The following NCOA2 variants were observed in gnomAD, a reference collection of about 807,000 sequenced individuals.
NCOA2 encodes the protein class E basic helix-loop-helix protein 75.
In NCOA2, 21 loss-of-function variants were observed where a neutral mutation model predicts 145.1. The ratio of observed to expected loss-of-function variants is 0.14; its 90% confidence interval spans 0.10 to 0.21. The LOEUF (loss-of-function observed/expected upper bound fraction) is 0.21. Among genes scored for constraint, NCOA2 ranks in the 10% least tolerant of loss-of-function variants. The pLI is 1.00. For synonymous variants in NCOA2, 619 were observed against 637.5 expected, an observed-to-expected ratio of 0.97 and a Z score of 0.44; for missense variants, 1,472 against 1,837.6, an observed-to-expected ratio of 0.80 and a Z score of 3.64.
chr8:70,408,371 GA>G (rs1216165134), upstream of NCOA2, among the ~76,000 whole-genome samples: 3 of 152,112 alleles, frequency 2.0e-5, no homozygotes, highest in East Asian at 5.8e-4. Flanking sequence ...GAAACAACTG[GA>G]AAATGAAAAT....
chr8:70,126,980 C>T lies in NCOA2; in HGVS notation c.3749G>A (p.Arg1250Lys). 6.2e-7 allele frequency: 1 copy of T among 1,613,786 alleles called. No individual in the cohort carries two copies. The highest frequency in any genetic ancestry group is 1.1e-5 in the South Asian group (1 of 90,998). ...AACTTGCTGTTGCTGATGCATTTGT[C>T]TCTGTCGAAGATGCTGGTTCAGGAT... The part of the protein sequence containing the change: ...REILNQHLRQ[R>K]QMHQQQQVQQ... Residue 1250 changes from arginine (R) to lysine (K), a missense_variant, in exon 19 of 23, where the codon AGA (arginine) becomes AAA (lysine). Around this residue, in one of 4 missense-constraint regions of NCOA2, gnomAD observed 232 missense variants for 290.6 expected, o/e 0.80. Transcript: ENST00000452400.
At chr8:70,126,013 C>T (rs1808373957) in intron 19 of NCOA2, among the ~76,000 whole-genome samples, 1 of 152,104 alleles carries the variant, frequency 6.6e-6, no homozygotes, top group Admixed American at 6.5e-5. Flanking sequence ...AGCTTAAGAT[C>T]ATATAGAAAA....
intron 3 of NCOA2, 94 bp downstream of exon 3, chr8:70,216,566 T>C: frequency 9.8e-7 from 1 of 1,023,592 alleles, no homozygotes; most frequent in South Asian, 1.3e-5. Flanking sequence ...ACTCAATATT[T>C]GAATCAGCAG....
chr8:70,311,495 C>G (rs557521677), intron 1 of NCOA2, among the ~76,000 whole-genome samples: 1 of 152,156 alleles, frequency 6.6e-6, no homozygotes, highest in East Asian at 1.9e-4. Context: ...ATTTTTTACC[C>G]AAAACACAGT....
chr8:70,320,810 CTG>C (rs1007122231), intron 1 of NCOA2, among the ~76,000 whole-genome samples: 4 of 152,118 alleles, frequency 2.6e-5, no homozygotes, highest in Admixed American at 6.5e-5. Context: ...TTTTAGGTAA[CTG>C]GTCTCGAAAA....
chr8:70,223,154 T>C (rs1294315398), intron 2 of NCOA2, among the ~76,000 whole-genome samples: 2 of 152,216 alleles, frequency 1.3e-5, no homozygotes, highest in Non-Finnish European at 2.9e-5. Flanking sequence ...AAAACCAGTT[T>C]TCACCAAAGG....
chr8:70,440,747 GAA>G, the NCOA2 span, among the ~76,000 whole-genome samples: 1 of 144,156 alleles, frequency 6.9e-6, no homozygotes, highest in East Asian at 2.0e-4. Flanking sequence ...AGAAAGAAAA[GAA>G]AGAGAGAAAG....
At chr8:70,225,344 T>C (rs1381044585) in intron 2 of NCOA2, among the ~76,000 whole-genome samples, 2 of 152,054 alleles carry the variant, frequency 1.3e-5, no homozygotes, top group East Asian at 3.9e-4. Context: ...AGTCAGACGT[T>C]CGAGACCAAC....
chr8:70,355,902 T>C (rs999680693), intron 1 of NCOA2, among the ~76,000 whole-genome samples: 4 of 152,204 alleles, frequency 2.6e-5, no homozygotes, highest in African/African-American at 9.6e-5. Context: ...ATACTTCTAC[T>C]TATATATTAC....
At chr8:70,443,238 G>T in the NCOA2 span, among the ~76,000 whole-genome samples, 1 of 134,312 alleles carries the variant, frequency 7.4e-6, no homozygotes, top group Non-Finnish European at 1.6e-5. Context: ...GGTGGGGGGC[G>T]CATGCCTGTG....
intron 19 of NCOA2, among the ~76,000 whole-genome samples, chr8:70,126,045 T>C (rs1808377581): frequency 6.6e-6 from 1 of 152,200 alleles, no homozygotes; most frequent in South Asian, 2.1e-4. Flanking sequence ...TATCTTTCTG[T>C]TCTTTAAAGA....
chr8:70,156,418 A>G lies in NCOA2; in HGVS notation c.1947T>C (p.Ser649=), dbSNP rs1812296696. ...CTAAGGGCGAGGGCTCCATCTGATC[A>G]GATTTGGTGGTCAGCAGCTGCAGGA... The part of the protein sequence containing the change: ...TKLLQLLTTK[S]DQMEPSPLAS... Residue 649 remains serine, a synonymous_variant, in exon 11 of 23, where the codon TCT becomes TCC. Transcript: ENST00000452400. 6.2e-7 allele frequency: 1 copy of G among 1,613,848 alleles called. No homozygotes were observed. Among genetic ancestry groups the G allele is most frequent in the South Asian group, 1.1e-5 (1 of 91,074 alleles).
At chr8:70,216,827 T>C (rs1004374701) in intron 2 of NCOA2, 63 bp from the exon 3 acceptor site, 11 of 1,034,350 alleles carry the variant, frequency 1.1e-5, no homozygotes, top group Non-Finnish European at 1.7e-5. Context: ...AAGTGTCTGA[T>C]CATTTTACCA....
intron 10 of NCOA2, 70 bp from the exon 11 acceptor site, chr8:70,157,310 A>T: frequency 7.3e-7 from 1 of 1,367,520 alleles, no homozygotes; most frequent in South Asian, 1.6e-5. Flanking sequence ...ATTAATTTTT[A>T]AAAATGATAT....
chr8:70,195,278 T>TCAA (rs1367408025), intron 4 of NCOA2, among the ~76,000 whole-genome samples: 2 of 152,194 alleles, frequency 1.3e-5, no homozygotes, highest in Non-Finnish European at 2.9e-5. Context: ...GAAGGGTGTC[T>TCAA]CTTTAAGAGT....
intron 1 of NCOA2, among the ~76,000 whole-genome samples, chr8:70,382,751 G>A (rs1340646039): frequency 1.3e-5 from 2 of 152,158 alleles, no homozygotes; most frequent in East Asian, 1.9e-4. Flanking sequence ...GCTTGCACGC[G>A]TTCCAGAAGG....
At chr8:70,132,046 T>A (rs768975986) in intron 15 of NCOA2, 44 bp from the exon 16 acceptor site, 2 of 1,570,536 alleles carry the variant, frequency 1.3e-6, no homozygotes, top group Non-Finnish European at 1.7e-6. Flanking sequence ...GAAAAGCTAG[T>A]TGATTAGAGA....
chr8:70,351,492 A>AT (rs1809206181), intron 1 of NCOA2, among the ~76,000 whole-genome samples: 1 of 151,960 alleles, frequency 6.6e-6, no homozygotes, highest in Non-Finnish European at 1.5e-5. Context: ...TGAGTATATA[A>AT]TTTACACATG....
intron 1 of NCOA2, among the ~76,000 whole-genome samples, chr8:70,297,817 C>T (rs1477277245): frequency 2.0e-5 from 3 of 152,178 alleles, no homozygotes; most frequent in Non-Finnish European, 4.4e-5. Context: ...TGCAGCTTTT[C>T]GTCTGATCCT....
Sources: gnomAD v4.1 joint callset for allele counts (sites outside exome capture counted in the v4.1 genomes callset) on GRCh38, gnomAD v4.1.1 for gene constraint, gnomAD v4.1.1 regional missense constraint, MANE v1.5 for transcripts, NCBI Gene and HGNC (gene_info 2026-07-23, HGNC 2026-07-21) for gene names.